Variants in STAU2 observed in about 807,000 individuals in gnomAD.
STAU2 encodes the protein double-stranded RNA-binding protein Staufen homolog 2.
STAU2 carries 20 observed loss-of-function variants against 65.9 expected under a neutral mutation model. That is an observed-to-expected ratio of 0.30 (90% CI 0.21 to 0.44). STAU2 has a LOEUF of 0.44. Ranked by LOEUF, STAU2 falls within the 20% of genes least tolerant of loss-of-function variation. The pLI is 1.00. For synonymous variants in STAU2, 232 were observed against 233.9 expected (o/e 0.99, Z 0.07); for missense variants, 558 against 683.9 (o/e 0.82, Z 2.05).
intron 13 of STAU2, among the ~76,000 whole-genome samples, chr8:73,482,474 G>T (rs1003387630): frequency 6.6e-6 from 1 of 152,008 alleles, no homozygotes; most frequent in Non-Finnish European, 1.5e-5. Flanking sequence ...CTTCGCCTTG[G>T]CACTTTGCAA....
intron 13 of STAU2, among the ~76,000 whole-genome samples, chr8:73,488,987 A>C (rs2128914386): frequency 6.6e-6 from 1 of 152,006 alleles, no homozygotes; most frequent in South Asian, 2.1e-4. Flanking sequence ...AGTCTGGGTC[A>C]ATTTTTTTTT....
intron 6 of STAU2, among the ~76,000 whole-genome samples, chr8:73,668,504 T>C (rs536951084): frequency 3.9e-5 from 6 of 152,338 alleles, no homozygotes; most frequent in South Asian, 2.1e-4. Flanking sequence ...ATATACAAAA[T>C]TGAAAAACTG....
At chr8:73,421,504 G>T in intron 14 of STAU2, 39 bp from the exon 15 acceptor site, 1 of 1,529,154 alleles carries the variant, frequency 6.5e-7, no homozygotes, top group Non-Finnish European at 8.8e-7. Context: ...GAAGGCCTGG[G>T]GTTGCACATC....
At chr8:73,703,782 T>C (rs750222076) in intron 4 of STAU2, among the ~76,000 whole-genome samples, 85 of 152,172 alleles carry the variant, frequency 5.6e-4, no homozygotes, top group Non-Finnish European at 1.3e-4. Context: ...GAAAGCAGAT[T>C]AGTAGCTGTG....
At chr8:73,509,052 T>C (rs1018761290) in intron 13 of STAU2, among the ~76,000 whole-genome samples, 2 of 152,210 alleles carry the variant, frequency 1.3e-5, no homozygotes, top group Non-Finnish European at 1.5e-5. Flanking sequence ...TAAATTTACA[T>C]TTAACTTTTT....
chr8:73,570,624 G>T (rs1041065554), intron 12 of STAU2, among the ~76,000 whole-genome samples: 10 of 152,100 alleles, frequency 6.6e-5, no homozygotes, highest in African/African-American at 2.4e-4. Context: ...TCCTCAAGAA[G>T]AGCAACCCCA....
At chr8:73,524,459 T>G (rs7004830) in intron 13 of STAU2, among the ~76,000 whole-genome samples, 47,948 of 152,052 alleles carry the variant, frequency 0.32, 7,929 homozygotes, top group Middle Eastern at 0.41. Context: ...CAACTTCTGA[T>G]AGAGAAATTT....
chr8:73,713,488 C>A (rs1315079392), intron 3 of STAU2, among the ~76,000 whole-genome samples: 2 of 152,022 alleles, frequency 1.3e-5, no homozygotes, highest in African/African-American at 4.8e-5. Context: ...AAGGCTGTTA[C>A]AAAAACTCCT....
intron 12 of STAU2, among the ~76,000 whole-genome samples, chr8:73,577,426 CAA>C (rs1284627228): frequency 8.3e-6 from 1 of 120,384 alleles, no homozygotes; most frequent in Non-Finnish European, 1.8e-5. Flanking sequence ...GACTCCATCT[CAA>C]AAAAAAAAAA....
intron 6 of STAU2, among the ~76,000 whole-genome samples, chr8:73,649,823 TA>T (rs1206528556): frequency 2.0e-5 from 3 of 147,112 alleles, no homozygotes; most frequent in Non-Finnish European, 3.0e-5. Flanking sequence ...GATGCTCTTC[TA>T]TATTTAATTT....
chr8:73,552,268 G>C lies in STAU2; in HGVS notation c.1274C>G (p.Ala425Gly). ...LSPDVYQEME[A>G]SRHKVISGTT... ...GCCAGAGATTACTTTGTGGCGGCTG[G>C]CTTCCATCTCTTGATAAACATCAGG... The change falls in exon 13 of 15, where the codon GCC becomes GGC. Residue 425 changes from alanine (A) to glycine (G), a missense_variant. Ala to Gly is a moderately conservative substitution (Grantham distance 60). Transcript: ENST00000524300. 1 of 1,613,698 alleles carries C rather than the reference G, an allele frequency of 6.2e-7. No individual in the cohort carries two copies. Among genetic ancestry groups the C allele is most frequent in the Non-Finnish European group, 8.5e-7 (1 of 1,179,778 alleles).
In STAU2 at chr8:73,481,738, G is replaced by A. The variant is rs549768628; in HGVS notation, c.1531-59036C>T. Among the ~76,000 whole-genome samples the A allele has an allele frequency of 1.8e-4, 27 of 152,214 alleles. No individual in the cohort carries two copies. The South Asian group carries it at 5.6e-3, about 32-fold the overall frequency. On this transcript the variant is annotated intron_variant, in intron 13 of 14. Transcript: ENST00000524300. ...TATTCATTGCTTTGAATTTTTAGCT[G>A]TGATTCTTAAAGGTAGGAAATACTG...
intron 3 of STAU2, among the ~76,000 whole-genome samples, chr8:73,729,524 TTAAA>T (rs1266537277): frequency 1.3e-5 from 2 of 152,118 alleles, no homozygotes; most frequent in African/African-American, 4.8e-5. Context: ...GTATTCTTCT[TTAAA>T]TATTTGGTAG....
At chr8:73,734,230 TTTG>T (rs956736883) in intron 3 of STAU2, among the ~76,000 whole-genome samples, 5 of 96,074 alleles carry the variant, frequency 5.2e-5, no homozygotes, top group Non-Finnish European at 7.6e-5. Flanking sequence ...TTTTTCAGGG[TTTG>T]TTTTTTTTTT....
chr8:73,736,551 G>A (rs185832587), intron 3 of STAU2, among the ~76,000 whole-genome samples: 1 of 152,312 alleles, frequency 6.6e-6, no homozygotes, highest in East Asian at 1.9e-4. Context: ...CCAGGGGTGG[G>A]GAAGAGAGGT....
intron 9 of STAU2, among the ~76,000 whole-genome samples, chr8:73,605,205 C>T (rs1811919681): frequency 6.6e-6 from 1 of 151,722 alleles, no homozygotes; most frequent in Non-Finnish European, 1.5e-5. Context: ...CTACAAAATA[C>T]TGCTGAAATT....
intron 4 of STAU2, among the ~76,000 whole-genome samples, chr8:73,704,915 C>T (rs7007418): frequency 0.2 from 31,044 of 152,008 alleles, 3,534 homozygotes; most frequent in East Asian, 0.37. Flanking sequence ...AATCTGCCCA[C>T]CTTGGCCTCC....
chr8:73,630,663 A>G (rs1814024450), intron 6 of STAU2, among the ~76,000 whole-genome samples: 1 of 152,200 alleles, frequency 6.6e-6, no homozygotes, highest in South Asian at 2.1e-4. Flanking sequence ...AGTGTAGCAT[A>G]GCAGAAAAAG....
intron 13 of STAU2, among the ~76,000 whole-genome samples, chr8:73,470,417 T>C (rs1462756244): frequency 2.0e-5 from 3 of 152,152 alleles, no homozygotes; most frequent in Non-Finnish European, 4.4e-5. Context: ...CAACAGCACA[T>C]GTGTATCTGC....
Sources: gnomAD v4.1 joint callset for allele counts (sites outside exome capture counted in the v4.1 genomes callset) on GRCh38, gnomAD v4.1.1 for gene constraint, MANE v1.5 for transcripts, NCBI Gene and HGNC (gene_info 2026-07-23, HGNC 2026-07-21) for gene names.